The following RBMS1 variants were observed in gnomAD, a reference collection of about 807,000 sequenced individuals.
RBMS1 encodes RNA binding motif single stranded interacting protein 1.
RBMS1 carries 17 observed loss-of-function variants against 62.3 expected under a neutral mutation model. The observed-to-expected ratio is 0.27, with a 90% CI of 0.19 to 0.41. The LOEUF is 0.41. Ranked by LOEUF, RBMS1 falls within the 10% of genes least tolerant of loss-of-function variation. The pLI, the probability that RBMS1 is intolerant of heterozygous loss-of-function variation, is 1.00. For synonymous variants in RBMS1, 172 were observed against 170.0 expected (o/e 1.01, Z -0.09); for missense variants, 334 against 504.5 (o/e 0.66, Z 3.24).
chr2:160,406,402 C>T (rs1028826030), intron 1 of RBMS1, among the ~76,000 whole-genome samples: 3 of 152,194 alleles, frequency 2.0e-5, no homozygotes, highest in Admixed American at 6.5e-5. Flanking sequence ...TGCCATCGGT[C>T]GTGATCTTAA....
chr2:160,365,013 T>C (rs1229194541), intron 2 of RBMS1, among the ~76,000 whole-genome samples: 3 of 152,346 alleles, frequency 2.0e-5, no homozygotes, highest in Admixed American at 2.0e-4. Flanking sequence ...TCTAATTATG[T>C]CCAGTGGTTT....
chr2:160,418,603 A>G (rs759146414), intron 1 of RBMS1, among the ~76,000 whole-genome samples: 1 of 152,184 alleles, frequency 6.6e-6, no homozygotes, highest in Non-Finnish European at 1.5e-5. Context: ...GGAACTGACT[A>G]GTTCCTTGCA....
At chr2:160,448,309 C>T (rs1307641551) in intron 1 of RBMS1, among the ~76,000 whole-genome samples, 9 of 151,066 alleles carry the variant, frequency 6.0e-5, no homozygotes, top group East Asian at 1.9e-4. Flanking sequence ...CCCCCTCTCC[C>T]GTCTCCCTCT....
chr2:160,315,731 T>G (rs1297558890), intron 3 of RBMS1, among the ~76,000 whole-genome samples: 1 of 152,214 alleles, frequency 6.6e-6, no homozygotes, highest in Non-Finnish European at 1.5e-5. Flanking sequence ...ACCAATCTTT[T>G]GTGAGCTTTT....
At chr2:160,403,699 T>C (rs571937551) in intron 1 of RBMS1, among the ~76,000 whole-genome samples, 2 of 151,674 alleles carry the variant, frequency 1.3e-5, no homozygotes, top group Admixed American at 1.3e-4. Flanking sequence ...TGCAGAAAAA[T>C]TTTGCATTCA....
At chr2:160,336,816 G>A (rs1195707719) in intron 2 of RBMS1, among the ~76,000 whole-genome samples, 9 of 152,136 alleles carry the variant, frequency 5.9e-5, no homozygotes, top group Admixed American at 3.3e-4. Context: ...TGCTGTGTAC[G>A]CAGATATAGA....
chr2:160,385,448 A>G (rs1186485828), intron 1 of RBMS1, among the ~76,000 whole-genome samples: 2 of 152,220 alleles, frequency 1.3e-5, no homozygotes, highest in Admixed American at 6.5e-5. Context: ...TTCAAAAGTA[A>G]CAGGCAGGTG....
At chr2:160,333,510 T>C (rs917200103) in intron 2 of RBMS1, among the ~76,000 whole-genome samples, 1 of 152,092 alleles carries the variant, frequency 6.6e-6, no homozygotes, top group Non-Finnish European at 1.5e-5. Flanking sequence ...AATGACCTCC[T>C]TAACACCCAA....
rs779843455 is a variant in RBMS1, at chr2:160,367,335, A to G, written c.132T>C (p.Ser44=). The G allele has an allele frequency of 1.2e-6, 2 of 1,613,714 alleles. No individual in the cohort carries two copies. Among genetic ancestry groups the G allele is most frequent in the East Asian group, 4.5e-5 (2 of 44,848 alleles). The stretch of plus-strand genomic sequence containing the variant: ...TGCTACTGCTGCTACTGTTGTTATT[A>G]CTGCTGGTGGTGCTGGGACTGGGAG... ...MAPPSPSTTS[S]NNNSSSSSNS... is the part of the protein sequence containing the mutation. The change falls in exon 2 of 14, where the codon AGT becomes AGC. Residue 44 remains serine, a synonymous_variant. Transcript: ENST00000348849.
At chr2:160,468,498 C>T (rs921369012) in intron 1 of RBMS1, among the ~76,000 whole-genome samples, 2 of 152,094 alleles carry the variant, frequency 1.3e-5, no homozygotes, top group African/African-American at 4.8e-5. Context: ...AAAAGTCAGC[C>T]TTAATATAAG....
chr2:160,349,219 G>A (rs1026689291), intron 2 of RBMS1, among the ~76,000 whole-genome samples: 3 of 152,076 alleles, frequency 2.0e-5, no homozygotes, highest in African/African-American at 7.2e-5. Flanking sequence ...GGTGGTACAT[G>A]GCCACTTGCT....
At chr2:160,427,144 T>A (rs1169309771) in intron 1 of RBMS1, among the ~76,000 whole-genome samples, 1 of 152,206 alleles carries the variant, frequency 6.6e-6, no homozygotes, top group African/African-American at 2.4e-5. Flanking sequence ...GAAGATTCAG[T>A]GGACACTTTT....
intron 1 of RBMS1, among the ~76,000 whole-genome samples, chr2:160,374,847 C>T (rs768368140): frequency 6.6e-6 from 1 of 151,918 alleles, no homozygotes; most frequent in Non-Finnish European, 1.5e-5. Context: ...GGAAAATCAT[C>T]TGAACCCAGG....
chr2:160,320,242 C>A (rs144860351), intron 2 of RBMS1, among the ~76,000 whole-genome samples: 2 of 152,134 alleles, frequency 1.3e-5, no homozygotes, highest in African/African-American at 4.8e-5. Context: ...CCAAAGCCGG[C>A]GGATGGCTTG....
chr2:160,298,250 T>G (rs1689041776), intron 6 of RBMS1, among the ~76,000 whole-genome samples: 1 of 152,122 alleles, frequency 6.6e-6, no homozygotes, highest in African/African-American at 2.4e-5. Context: ...GGGTAGATAC[T>G]GGTTCCACTA....
chr2:160,440,606 C>T (rs928284209), intron 1 of RBMS1, among the ~76,000 whole-genome samples: 1 of 152,146 alleles, frequency 6.6e-6, no homozygotes, highest in Non-Finnish European at 1.5e-5. Context: ...ATGGCCTCTC[C>T]GGTGATGTCC....
At chr2:160,286,246 G>A (rs181670770) in intron 7 of RBMS1, among the ~76,000 whole-genome samples, 100 of 146,608 alleles carry the variant, frequency 6.8e-4, no homozygotes, top group Non-Finnish European at 1.3e-3. Context: ...GTTGTGGTAG[G>A]CTATAACCAC....
chr2:160,298,574 C>T (rs183004600), intron 6 of RBMS1, among the ~76,000 whole-genome samples: 17 of 152,004 alleles, frequency 1.1e-4, no homozygotes, highest in Admixed American at 2.6e-4. Flanking sequence ...GGGAAGAAAA[C>T]GGAGACAGGT....
At chr2:160,333,249 T>C (rs1691379843) in intron 2 of RBMS1, among the ~76,000 whole-genome samples, 1 of 152,182 alleles carries the variant, frequency 6.6e-6, no homozygotes, top group African/African-American at 2.4e-5. Context: ...TTATAAATCA[T>C]CTATATTGTG....
Sources: allele counts gnomAD v4.1 joint callset (sites outside exome capture counted in the v4.1 genomes callset), GRCh38; gene constraint gnomAD v4.1.1; transcripts MANE v1.5; gene names NCBI Gene and HGNC (gene_info 2026-07-23, HGNC 2026-07-21).